APOLD1: variants seen among roughly 807,000 people sequenced by gnomAD.
APOLD1 encodes apolipoprotein L domain containing 1.
A neutral mutation model predicts 15.3 loss-of-function variants in APOLD1; 22 were observed. The ratio of observed to expected loss-of-function variants is 1.44; its 90% CI spans 1.03 to 2.05. The LOEUF (loss-of-function observed/expected upper bound fraction) is 2.05, where lower values mean the gene tolerates loss of function less well. Among genes scored for constraint, APOLD1 ranks in the 30% most tolerant of loss-of-function variants. The probability of loss-of-function intolerance (pLI) is 0.00; values close to 1 mark genes in which losing one functional copy is unlikely to be tolerated. For synonymous variants in APOLD1, 190 were observed against 167.4 expected (o/e 1.13, Z -1.04); for missense variants, 394 against 353.5 (o/e 1.11, Z -0.92).
chr12:12,753,125 C>T (rs1229879222), intron 1 of APOLD1, among the ~76,000 whole-genome samples: 2 of 152,120 alleles, frequency 1.3e-5, no homozygotes, highest in Admixed American at 6.6e-5. Context: ...TCTAAAAGGA[C>T]ATTGCCTCTG....
At chr12:12,770,942 G>C (rs1592305103) in intron 1 of APOLD1, among the ~76,000 whole-genome samples, 1 of 152,136 alleles carries the variant, frequency 6.6e-6, no homozygotes, top group Non-Finnish European at 1.5e-5. Context: ...CAAGAAGAGA[G>C]TGGAGTCAAA....
chr12:12,744,771 T>G (rs1946753021), intron 1 of APOLD1, among the ~76,000 whole-genome samples: 1 of 152,180 alleles, frequency 6.6e-6, no homozygotes, highest in Non-Finnish European at 1.5e-5. Flanking sequence ...TCCTGTTGCC[T>G]GTGCTCAGTG....
chr12:12,762,943 G>C (rs1946912741), intron 1 of APOLD1, among the ~76,000 whole-genome samples: 1 of 152,000 alleles, frequency 6.6e-6, no homozygotes. Flanking sequence ...CTCAGGAGTT[G>C]AAGACCAGCC....
chr12:12,743,276 T>C (rs1343817131), intron 1 of APOLD1, among the ~76,000 whole-genome samples: 3 of 152,160 alleles, frequency 2.0e-5, no homozygotes, highest in Non-Finnish European at 4.4e-5. Context: ...CACACTTGTA[T>C]TCCTAGCTAC....
At chr12:12,753,298 A>T (rs545831466) in intron 1 of APOLD1, among the ~76,000 whole-genome samples, 57 of 152,348 alleles carry the variant, frequency 3.7e-4, no homozygotes, top group Non-Finnish European at 8.8e-5. Context: ...CATTAAAGAA[A>T]TGTGAAAGGG....
chr12:12,774,546 C>CAAAAAAAAAA (rs57343706), intron 1 of APOLD1, among the ~76,000 whole-genome samples: 73 of 42,286 alleles, frequency 1.7e-3, no homozygotes, highest in South Asian at 2.5e-3. Flanking sequence ...ACTCTAACTC[C>CAAAAAAAAAA]AAAAAAAAAA....
At chr12:12,771,831 TGA>T (rs1946989990) in intron 1 of APOLD1, 1 of 194,102 alleles carries the variant, frequency 5.2e-6, no homozygotes, top group Non-Finnish European at 1.1e-5. Flanking sequence ...ACAAAAGATG[TGA>T]GAGAGAAATT....
intron 1 of APOLD1, among the ~76,000 whole-genome samples, chr12:12,752,117 G>C (rs566685619): frequency 6.6e-6 from 1 of 152,278 alleles, no homozygotes; most frequent in African/African-American, 2.4e-5. Context: ...ATCTATATTT[G>C]TGGTAATTTT....
Position 12,789,408 on chromosome 12 carries a change from G to A in APOLD1, c.*1756G>A, listed in dbSNP as rs1947164000. On this transcript the variant is annotated 3_prime_UTR_variant, in exon 2 of 2. Transcript: ENST00000356591. Reference sequence around the variant, plus strand: ...GAGTTTAAGCTTGTAATGGAAGCTTGCATTGTGGGATATATAACTGAGGAA... The same window carrying A: ...GAGTTTAAGCTTGTAATGGAAGCTTACATTGTGGGATATATAACTGAGGAA... The A allele has an allele frequency of 6.6e-6, 1 of 152,258 alleles. No individual in the cohort carries two copies. Among genetic ancestry groups the A allele is most frequent in the Non-Finnish European group, 1.5e-5 (1 of 68,052 alleles). The allele number at this position is 152,258 out of a possible 1,614,324, so 9.4% of individuals were successfully genotyped here. A position where few individuals can be genotyped will look rare whatever the true frequency, so the allele number is the denominator to read the frequency against.
chr12:12,761,564 A>G (rs920802997), intron 1 of APOLD1, among the ~76,000 whole-genome samples: 2 of 152,044 alleles, frequency 1.3e-5, no homozygotes, highest in East Asian at 3.9e-4. Context: ...ACTCATAAGC[A>G]TATACACACA....
rs140569019 is a variant in APOLD1, at chr12:12,745,563, A to G, written c.96+19467A>G. Among the ~76,000 whole-genome samples the G allele has an allele frequency of 4.3e-4, 66 of 152,292 alleles. 1 individual carries two copies. The East Asian group carries it at 5.2e-3, about 12-fold the overall frequency. On this transcript the variant is annotated intron_variant, in intron 1 of 1. Coordinates refer to the APOLD1 transcript ENST00000326765. The stretch of plus-strand genomic sequence containing the variant: ...AGACTGAAGAGAAGAGGAAGGAGAC[A>G]TAAGTGAGCTGTACAATTTTTGAGC...
At chr12:12,778,435 T>A (rs1031094274) in intron 1 of APOLD1, among the ~76,000 whole-genome samples, 2 of 151,952 alleles carry the variant, frequency 1.3e-5, no homozygotes, top group African/African-American at 4.8e-5. Context: ...TCCTCCCACC[T>A]CAGCCTCCCA....
intron 1 of APOLD1, among the ~76,000 whole-genome samples, chr12:12,754,176 A>C (rs11055046): frequency 0.99 from 137,278 of 139,284 alleles, 67,687 homozygotes; most frequent in Middle Eastern, 1. Flanking sequence ...GCACTCCAGC[A>C]TGGGCGACAG....
At chr12:12,769,560 G>T (rs954863501) in intron 1 of APOLD1, among the ~76,000 whole-genome samples, 4 of 114,684 alleles carry the variant, frequency 3.5e-5, no homozygotes, top group African/African-American at 2.0e-4. Context: ...GGTTCTCACA[G>T]TGAATTTTGC....
intron 1 of APOLD1, among the ~76,000 whole-genome samples, chr12:12,729,156 G>A (rs773534145): frequency 7.3e-5 from 11 of 150,866 alleles, no homozygotes; most frequent in Non-Finnish European, 1.5e-4. Context: ...GAATGTTCCT[G>A]TTTTCTTTTG....
chr12:12,745,804 CA>C (rs944249626), intron 1 of APOLD1, among the ~76,000 whole-genome samples: 19 of 152,024 alleles, frequency 1.2e-4, no homozygotes, highest in South Asian at 2.1e-4. Context: ...AAGCAAAAGG[CA>C]AGGAAAATGC....
At chr12:12,769,070 A>G (rs1946964090) in intron 1 of APOLD1, among the ~76,000 whole-genome samples, 1 of 151,788 alleles carries the variant, frequency 6.6e-6, no homozygotes, top group African/African-American at 2.4e-5. Context: ...TTTACCAACT[A>G]TACAAAAATT....
At chr12:12,755,863 A>G (rs945790726) in intron 1 of APOLD1, among the ~76,000 whole-genome samples, 2 of 152,142 alleles carry the variant, frequency 1.3e-5, no homozygotes, top group African/African-American at 4.8e-5. Flanking sequence ...CAAAAAACAT[A>G]AAACCTAAAA....
chr12:12,776,021 A>AAAC (rs1555092007), intron 1 of APOLD1, among the ~76,000 whole-genome samples: 2 of 150,368 alleles, frequency 1.3e-5, no homozygotes, highest in Non-Finnish European at 3.0e-5. Context: ...AAAAAAAAAA[A>AAAC]AAAAACACAA....
Sources: allele counts gnomAD v4.1 joint callset (sites outside exome capture counted in the v4.1 genomes callset), GRCh38; gene constraint gnomAD v4.1.1; transcripts MANE v1.5; gene names NCBI Gene and HGNC (gene_info 2026-07-23, HGNC 2026-07-21).